CYSLTR1: variants seen among roughly 807,000 people sequenced by gnomAD.
CYSLTR1 encodes the protein cysteinyl leukotriene receptor 1.
A neutral mutation model predicts 2.1 loss-of-function variants in CYSLTR1; 1 was observed. That is an observed-to-expected ratio of 0.48 (90% CI 0.17 to 2.28). CYSLTR1 has a LOEUF of 2.28. CYSLTR1 is among the 30% of genes most tolerant of loss of function. The pLI is 0.26. For missense variants in CYSLTR1, 299 were observed against 250.1 expected, an observed-to-expected ratio of 1.20 and a Z score of -1.32; for synonymous variants, 110 against 89.6, an observed-to-expected ratio of 1.23 and a Z score of -1.28.
At chrX:78,316,552 C>T (rs1409195108) in intron 1 of CYSLTR1, among the ~76,000 whole-genome samples, 6 of 111,751 alleles carry the variant, frequency 5.4e-5, no homozygotes, top group Non-Finnish European at 9.4e-5. Context: ...ACTATAGGAG[C>T]GAGGCTGGCC....
chrX:78,322,438 C>T (rs1470775323), intron 1 of CYSLTR1, among the ~76,000 whole-genome samples: 1 of 111,974 alleles, frequency 8.9e-6, no homozygotes, highest in African/African-American at 3.2e-5. Context: ...CACACCACCC[C>T]ACAATCATAT....
chrX:78,322,635 C>T (rs765761401), intron 1 of CYSLTR1, among the ~76,000 whole-genome samples: 3 of 112,031 alleles, frequency 2.7e-5, no homozygotes, highest in Non-Finnish European at 5.6e-5. Flanking sequence ...ATGATCCTTC[C>T]GTCTGTGATC....
At chrX:78,301,711 G>C (rs1463410663) in intron 1 of CYSLTR1, among the ~76,000 whole-genome samples, 2 of 111,882 alleles carry the variant, frequency 1.8e-5, no homozygotes, top group Non-Finnish European at 3.8e-5. Context: ...ACCTCTGCCT[G>C]TTACCCAGTT....
intron 2 of CYSLTR1, among the ~76,000 whole-genome samples, chrX:78,275,428 A>G (rs1488306349): frequency 9.0e-6 from 1 of 111,535 alleles, no homozygotes; most frequent in East Asian, 2.8e-4. Flanking sequence ...TGTCCTTTGT[A>G]GGGACGTGGA....
At chrX:78,279,034 C>G (rs1476734088) in intron 2 of CYSLTR1, among the ~76,000 whole-genome samples, 1 of 112,060 alleles carries the variant, frequency 8.9e-6, no homozygotes, top group African/African-American at 3.2e-5. Flanking sequence ...AAATACCATT[C>G]TCGACATAGT....
At chrX:78,291,830 T>C (rs1471768762) in intron 1 of CYSLTR1, among the ~76,000 whole-genome samples, 1 of 110,761 alleles carries the variant, frequency 9.0e-6, no homozygotes, top group Non-Finnish European at 1.9e-5. Context: ...GTTTTTTAAT[T>C]GTGTCTATTT....
At chrX:78,279,852 A>G (rs1921758781) in intron 2 of CYSLTR1, among the ~76,000 whole-genome samples, 1 of 111,783 alleles carries the variant, frequency 8.9e-6, no homozygotes. Flanking sequence ...GGACCAGAAA[A>G]TCAAATACTG....
chrX:78,299,719 CTCTA>C (rs1384196967), intron 1 of CYSLTR1, among the ~76,000 whole-genome samples: 4 of 111,321 alleles, frequency 3.6e-5, no homozygotes, highest in African/African-American at 1.3e-4. Context: ...CATATCCTTT[CTCTA>C]TCTTTGACCT....
chrX:78,325,891 G>T lies in CYSLTR1; in HGVS notation c.-115+1414C>A, dbSNP rs148084796. Among the ~76,000 whole-genome samples, 283 of 111,954 alleles carry T rather than the reference G, an allele frequency of 2.5e-3. 2 individuals are homozygous for T. Among genetic ancestry groups the T allele is most frequent in the African/African-American group, 8.4e-3 (260 of 30,841 alleles). On this transcript the variant is annotated intron_variant, in intron 1 of 2. Coordinates refer to ENST00000373304, the MANE Select transcript of CYSLTR1 (RefSeq NM_006639.4). ...GTGGAAGAGTCTTGCTTTTATGACA[G>T]ATAAATAGTTTCTAAATGCATCAAA...
intron 1 of CYSLTR1, among the ~76,000 whole-genome samples, chrX:78,296,473 T>C (rs1232285329): frequency 5.4e-5 from 6 of 111,950 alleles, no homozygotes; most frequent in Admixed American, 1.9e-4. Context: ...ATTGAATCTA[T>C]AGACTGCTTT....
At chrX:78,277,312 C>T (rs6623253) in intron 2 of CYSLTR1, among the ~76,000 whole-genome samples, 6,109 of 111,078 alleles carry the variant, frequency 0.055, 139 homozygotes, top group East Asian at 0.085. Flanking sequence ...AGCACAGCCT[C>T]AGCTGCCCAG....
intron 1 of CYSLTR1, among the ~76,000 whole-genome samples, chrX:78,295,049 C>T (rs1437527025): frequency 2.7e-5 from 3 of 112,249 alleles, no homozygotes; most frequent in African/African-American, 9.7e-5. Context: ...GCTGAAATCA[C>T]CCATCTTCTT....
chrX:78,289,078 A>C (rs1416748456), intron 1 of CYSLTR1, among the ~76,000 whole-genome samples: 3 of 110,419 alleles, frequency 2.7e-5, no homozygotes, highest in African/African-American at 9.9e-5. Flanking sequence ...CTCATCATTT[A>C]CATTAGGTAT....
chrX:78,309,729 G>C (rs1923152420), intron 1 of CYSLTR1, among the ~76,000 whole-genome samples: 1 of 112,001 alleles, frequency 8.9e-6, no homozygotes, highest in South Asian at 3.7e-4. Context: ...GAATGACTTA[G>C]TTTTATAGAA....
intron 1 of CYSLTR1, among the ~76,000 whole-genome samples, chrX:78,304,292 C>T (rs762837126): frequency 2.7e-5 from 3 of 111,888 alleles, no homozygotes; most frequent in Non-Finnish European, 5.6e-5. Context: ...ATAGCACCAC[C>T]ATTCTTCAGG....
chrX:78,283,671 G>A (rs1921933221), intron 1 of CYSLTR1, 131 bp from the exon 2 acceptor site: 1 of 111,936 alleles, frequency 8.9e-6, no homozygotes, highest in African/African-American at 3.2e-5. Context: ...ACAGATTTAG[G>A]GCTAGTCACT....
At chrX:78,325,047 T>C (rs965641340) in intron 1 of CYSLTR1, among the ~76,000 whole-genome samples, 3 of 112,675 alleles carry the variant, frequency 2.7e-5, no homozygotes, top group African/African-American at 9.7e-5. Flanking sequence ...AAAACTATTT[T>C]AATCCTTAGC....
At chrX:78,280,788 A>G (rs1193226993) in intron 2 of CYSLTR1, among the ~76,000 whole-genome samples, 5 of 110,855 alleles carry the variant, frequency 4.5e-5, no homozygotes, top group African/African-American at 1.3e-4. Flanking sequence ...CTTTGTGTCC[A>G]TGTGTTATCA....
chrX:78,319,041 C>G (rs1923532580), intron 1 of CYSLTR1: 1 of 110,716 alleles, frequency 9.0e-6, no homozygotes, highest in South Asian at 3.8e-4. Context: ...AGTTATCATT[C>G]TCTATGAATA....
Sources: gnomAD v4.1 joint callset for allele counts (sites outside exome capture counted in the v4.1 genomes callset) on GRCh38, gnomAD v4.1.1 for gene constraint, MANE v1.5 for transcripts, NCBI Gene and HGNC (gene_info 2026-07-23, HGNC 2026-07-21) for gene names.